The following RASL12 variants were observed in gnomAD, a reference collection of about 807,000 sequenced individuals.
RASL12 encodes RAS like family 12.
RASL12 carries 16 observed loss-of-function variants against 22.9 expected under a neutral mutation model. The observed-to-expected ratio is 0.70, with a 90% confidence interval of 0.47 to 1.06. The LOEUF is 1.06. RASL12 is among the 50% of genes least tolerant of loss of function. The pLI, the probability that RASL12 is intolerant of heterozygous loss-of-function variation, is 0.00. For missense variants in RASL12, 306 were observed against 353.1 expected (o/e 0.87, Z 1.07); for synonymous variants, 159 against 152.2 (o/e 1.04, Z -0.33).
intron 1 of RASL12, 88 bp downstream of exon 1, chr15:65,067,645 A>G (rs2086894444): frequency 1.4e-6 from 2 of 1,428,216 alleles, no homozygotes; most frequent in South Asian, 1.4e-5. Flanking sequence ...AGCCAGTGGA[A>G]GAACCTGCCC....
the RASL12 span, chr15:65,045,646 A>C: frequency 1.6e-4 from 25 of 152,376 alleles, no homozygotes; most frequent in African/African-American, 6.0e-4. Context: ...TCACAGTCCA[A>C]TGGCACGATG....
chr15:65,050,170 G>C, downstream of RASL12: 6 of 1,287,532 alleles, frequency 4.7e-6, no homozygotes, highest in Non-Finnish European at 6.5e-6. Context: ...TTTGGCTGAA[G>C]GTCCTGACAC....
At chr15:65,065,455 T>G (rs898721203) in intron 1 of RASL12, among the ~76,000 whole-genome samples, 182 bp from the exon 2 acceptor site, 4 of 152,100 alleles carry the variant, frequency 2.6e-5, no homozygotes, top group African/African-American at 9.7e-5. Context: ...AAACCAGAAC[T>G]ACGGGGAGCC....
chr15:65,067,119 G>A (rs1486851024), intron 1 of RASL12, among the ~76,000 whole-genome samples: 3 of 152,190 alleles, frequency 2.0e-5, no homozygotes, highest in Non-Finnish European at 2.9e-5. Context: ...GGGAATGGGG[G>A]TGGGAGTGGG....
chr15:65,047,244 G>A, the RASL12 span, among the ~76,000 whole-genome samples: 1 of 151,572 alleles, frequency 6.6e-6, no homozygotes, highest in Non-Finnish European at 1.5e-5. Context: ...GCTGAGGCAA[G>A]AGAATTTCTT....
In RASL12 at chr15:65,064,218, G is replaced by C. The variant is rs530386522; in HGVS notation, c.160+999C>G. On this transcript the variant is annotated intron_variant, in intron 2 of 4. Coordinates refer to ENST00000220062, the MANE Select transcript of RASL12 (RefSeq NM_016563.4). ...GAGGAAGGAAAAGCAAAAATGCATTGAGTGCCTACTGTGGGTCAAGTACTA... is the reference window on the plus strand; with the variant it reads ...GAGGAAGGAAAAGCAAAAATGCATTCAGTGCCTACTGTGGGTCAAGTACTA... 1.8e-4 allele frequency among the ~76,000 whole-genome samples: 28 copies of C among 152,350 alleles called. No individual in the cohort carries two copies. The South Asian group carries it at 4.8e-3, about 26-fold the overall frequency.
chr15:65,055,190 C>T lies in RASL12; in HGVS notation c.510G>A (p.Glu170=). 6.2e-7 allele frequency: 1 copy of T among 1,612,240 alleles called. No homozygotes were observed. The highest frequency in any genetic ancestry group is 8.5e-7 in the Non-Finnish European group (1 of 1,179,636). The part of the protein sequence containing the change: ...FFEVSACLDF[E]HVQHVFHEAV... ...CCTCGTGGAAGACATGCTGCACGTG[C>T]TCAAAGTCCAGACAGGCAGAGACCT... The change falls in exon 5 of 5, where the codon GAG becomes GAA. Residue 170 remains glutamate, a synonymous_variant. Coordinates refer to ENST00000220062, the MANE Select transcript of RASL12 (RefSeq NM_016563.4).
intron 2 of RASL12, among the ~76,000 whole-genome samples, chr15:65,062,440 G>A (rs931408073): frequency 4.6e-5 from 7 of 152,228 alleles, no homozygotes; most frequent in South Asian, 2.1e-4. Flanking sequence ...TGCTCCTAGC[G>A]GAGAGCAACT....
At chr15:65,076,010 G>A (rs911413202) in intron 1 of RASL12, among the ~76,000 whole-genome samples, 3 of 152,184 alleles carry the variant, frequency 2.0e-5, no homozygotes, top group African/African-American at 7.2e-5. Context: ...TGGAAACTCT[G>A]TATCTAACTA....
At chr15:65,058,644 G>C in intron 3 of RASL12, 27 bp from the exon 4 acceptor site, 1 of 1,462,546 alleles carries the variant, frequency 6.8e-7, no homozygotes, top group Non-Finnish European at 9.1e-7. Context: ...AAGCCCCGCC[G>C]GGGGGCAGAG....
At position 65,054,980 on chromosome 15, in the gene RASL12, C is replaced by T; in HGVS notation, c.720G>A (p.Leu240=). ...GGGCCCGGGATGACTTCACGGTGAC[C>T]AGCTTGGCCTGGGCCACAGTGGGCA... ...KEMPTVAQAK[L]VTVKSSRAQS... Residue 240 remains leucine (L), a synonymous_variant, in exon 5 of 5, where the codon CTG becomes CTA. Coordinates refer to ENST00000220062, the MANE Select transcript of RASL12 (RefSeq NM_016563.4). 6.2e-7 allele frequency: 1 copy of T among 1,614,172 alleles called. No homozygotes were observed. The highest frequency in any genetic ancestry group is 2.2e-5 in the East Asian group (1 of 44,886).
At chr15:65,060,841 G>A (rs570846567) in intron 2 of RASL12, among the ~76,000 whole-genome samples, 2 of 152,314 alleles carry the variant, frequency 1.3e-5, no homozygotes, top group South Asian at 4.1e-4. Context: ...ACACACTCCA[G>A]GTCCACTAGC....
upstream of RASL12, among the ~76,000 whole-genome samples, chr15:65,068,924 G>A (rs977042794): frequency 6.6e-6 from 1 of 152,236 alleles, no homozygotes; most frequent in African/African-American, 2.4e-5. The surrounding 1 kb of genome is among the most constrained non-coding windows in gnomAD (Gnocchi z 4.2). Context: ...GCAAAATAGA[G>A]AGTGACAGAA....
chr15:65,053,286 C>T, downstream of RASL12: 17 of 1,068,152 alleles, frequency 1.6e-5, no homozygotes, highest in Admixed American at 1.1e-4. Context: ...TTCTTTCTTT[C>T]TTTTTTTTTT....
chr15:65,059,757 C>T (rs2086779799), intron 2 of RASL12, among the ~76,000 whole-genome samples: 1 of 152,206 alleles, frequency 6.6e-6, no homozygotes, highest in South Asian at 2.1e-4. Context: ...TCAGGAGCAA[C>T]ACTGCTAGCC....
intron 2 of RASL12, among the ~76,000 whole-genome samples, chr15:65,061,297 C>A (rs532140674): frequency 6.6e-6 from 1 of 152,356 alleles, no homozygotes; most frequent in South Asian, 2.1e-4. Flanking sequence ...CACAATGGGA[C>A]CCCCTCACCC....
At chr15:65,068,139 C>A (rs1230921403), upstream of RASL12, 2 of 1,017,332 alleles carry the variant, frequency 2.0e-6, no homozygotes, top group Admixed American at 5.8e-5. The surrounding 1 kb of genome is among the most constrained non-coding windows in gnomAD (Gnocchi z 4.2). Flanking sequence ...CCGGCCGCGC[C>A]CCCACCGCCG....
intron 1 of RASL12, among the ~76,000 whole-genome samples, chr15:65,073,863 C>T (rs556813685): frequency 5.6e-4 from 85 of 152,312 alleles, no homozygotes; most frequent in African/African-American, 2.0e-3. Flanking sequence ...GTGCTTACAA[C>T]AGTGCCTGAC....
intron 2 of RASL12, among the ~76,000 whole-genome samples, chr15:65,063,340 T>C (rs2086835836): frequency 6.6e-6 from 1 of 152,176 alleles, no homozygotes; most frequent in South Asian, 2.1e-4. Context: ...TCTGCTTGTG[T>C]GCCTTTCCTT....
Sources: gnomAD v4.1 joint callset for allele counts (sites outside exome capture counted in the v4.1 genomes callset) on GRCh38, gnomAD v4.1.1 for gene constraint, Gnocchi (gnomAD v3.1) non-coding constraint, MANE v1.5 for transcripts, NCBI Gene and HGNC (gene_info 2026-07-23, HGNC 2026-07-21) for gene names.